RBFOX1: variants seen among roughly 807,000 people sequenced by gnomAD.
The protein encoded by RBFOX1 is RNA binding fox-1 homolog 1.
A neutral mutation model predicts 57.7 loss-of-function variants in RBFOX1; 8 were observed. The observed-to-expected ratio is 0.14, with a 90% CI of 0.08 to 0.25. The LOEUF is 0.25. RBFOX1 is among the 10% of genes least tolerant of loss of function. The pLI is 1.00. For missense variants in RBFOX1, 611 were observed against 548.5 expected (o/e 1.11, Z -1.14); for synonymous variants, 326 against 222.4 (o/e 1.47, Z -4.15).
chr16:6,987,958 C>T (rs1303536910), intron 3 of RBFOX1, among the ~76,000 whole-genome samples: 1 of 151,914 alleles, frequency 6.6e-6, no homozygotes, highest in Admixed American at 6.6e-5. Flanking sequence ...TACTAAGTGC[C>T]AGCTAGGCAG....
At chr16:7,454,246 C>CA (rs1161889507) in intron 4 of RBFOX1, among the ~76,000 whole-genome samples, 1 of 151,982 alleles carries the variant, frequency 6.6e-6, no homozygotes, top group South Asian at 2.1e-4. Flanking sequence ...CCAACCCCCC[C>CA]AAAAAAAGTC....
At chr16:6,467,140 TAA>T (rs2095068001) in intron 2 of RBFOX1, among the ~76,000 whole-genome samples, 2 of 151,026 alleles carry the variant, frequency 1.3e-5, no homozygotes, top group Non-Finnish European at 3.0e-5. Context: ...TGTAATATAA[TAA>T]AGTTTACTTA....
At chr16:5,683,871 T>C (rs1377881356) in intron 3 of RBFOX1, among the ~76,000 whole-genome samples, 1 of 151,112 alleles carries the variant, frequency 6.6e-6, no homozygotes, top group East Asian at 1.9e-4. Context: ...TACCTATATG[T>C]ATGTAAAATT....
At chr16:6,375,697 C>T (rs553797087) in intron 2 of RBFOX1, among the ~76,000 whole-genome samples, 7 of 152,226 alleles carry the variant, frequency 4.6e-5, no homozygotes, top group Admixed American at 2.6e-4. Context: ...CATCTCACAG[C>T]GGACCGTTGA....
chr16:6,276,741 C>G (rs2075842436), intron 1 of RBFOX1, among the ~76,000 whole-genome samples: 2 of 152,108 alleles, frequency 1.3e-5, no homozygotes, highest in African/African-American at 4.8e-5. Context: ...CTCCTCTCTG[C>G]TGCTATTCTT....
intron 3 of RBFOX1, among the ~76,000 whole-genome samples, chr16:5,663,757 C>G (rs2049738379): frequency 6.6e-6 from 1 of 152,208 alleles, no homozygotes; most frequent in Non-Finnish European, 1.5e-5. Flanking sequence ...GGAGACCACA[C>G]CATATTCTGG....
chr16:7,651,969 G>A (rs375368376), intron 11 of RBFOX1, among the ~76,000 whole-genome samples: 22 of 152,038 alleles, frequency 1.4e-4, no homozygotes, highest in African/African-American at 7.3e-5. Context: ...AAGGAAAAGT[G>A]GTTTGCTGAC....
chr16:6,633,842 T>C (rs952548492), intron 2 of RBFOX1, among the ~76,000 whole-genome samples: 4 of 152,074 alleles, frequency 2.6e-5, no homozygotes, highest in African/African-American at 9.7e-5. Flanking sequence ...GATGTATCTC[T>C]ATAAAAAAAT....
chr16:6,876,335 G>A (rs146496537), intron 3 of RBFOX1, among the ~76,000 whole-genome samples: 2 of 152,220 alleles, frequency 1.3e-5, no homozygotes, highest in Non-Finnish European at 2.9e-5. Flanking sequence ...ATGACTTGTT[G>A]ACTATTCCAC....
chr16:6,117,411 C>T (rs1355649916), intron 1 of RBFOX1, among the ~76,000 whole-genome samples: 2 of 152,218 alleles, frequency 1.3e-5, no homozygotes, highest in African/African-American at 4.8e-5. Context: ...AATATTAGAT[C>T]ACCTTTCATG....
At chr16:6,709,069 T>C (rs2063291194) in intron 3 of RBFOX1, among the ~76,000 whole-genome samples, 1 of 152,120 alleles carries the variant, frequency 6.6e-6, no homozygotes, top group Admixed American at 6.6e-5. Flanking sequence ...CTCATCACCA[T>C]ATATCTCAAG....
chr16:7,288,819 C>A (rs559348160), intron 4 of RBFOX1, among the ~76,000 whole-genome samples: 1 of 152,266 alleles, frequency 6.6e-6, no homozygotes, highest in East Asian at 1.9e-4. Flanking sequence ...CCAGCCTGCG[C>A]GATAAAGCAA....
At chr16:5,647,660 C>G (rs1208038177) in intron 3 of RBFOX1, among the ~76,000 whole-genome samples, 2 of 152,144 alleles carry the variant, frequency 1.3e-5, no homozygotes, top group Non-Finnish European at 2.9e-5. Context: ...AGTACCTTCT[C>G]TGATTATTAG....
intron 2 of RBFOX1, among the ~76,000 whole-genome samples, chr16:6,583,569 T>A (rs1435211642): frequency 6.6e-6 from 1 of 152,264 alleles, no homozygotes; most frequent in African/African-American, 2.4e-5. Flanking sequence ...GGAGAGCATC[T>A]TGTTACCTGT....
intron 4 of RBFOX1, among the ~76,000 whole-genome samples, chr16:7,472,436 C>A (rs538534088): frequency 4.7e-4 from 72 of 152,298 alleles, no homozygotes; most frequent in African/African-American, 1.7e-3. Context: ...CAATTCTTTC[C>A]AGTGTGGCTG....
At chr16:6,796,723 G>C (rs375902175) in intron 3 of RBFOX1, among the ~76,000 whole-genome samples, 6 of 152,002 alleles carry the variant, frequency 3.9e-5, no homozygotes, top group African/African-American at 1.4e-4. Flanking sequence ...TTCTCTCCTG[G>C]GTACACATTT....
At chr16:7,658,633 T>C (rs931410589) in intron 12 of RBFOX1, among the ~76,000 whole-genome samples, 6 of 152,082 alleles carry the variant, frequency 3.9e-5, no homozygotes, top group Non-Finnish European at 5.9e-5. Flanking sequence ...AGCAGCTAAA[T>C]CCCAATCCCC....
At chr16:6,900,521 C>A (rs1188197911) in intron 3 of RBFOX1, among the ~76,000 whole-genome samples, 1 of 152,172 alleles carries the variant, frequency 6.6e-6, no homozygotes, top group Non-Finnish European at 1.5e-5. Flanking sequence ...TCTGGCCCTG[C>A]CCTTCTCTCA....
rs547158512 is a variant in RBFOX1, at chr16:6,315,643, C to T, written c.-126-1352C>T. On this transcript the variant is annotated intron_variant, in intron 1 of 15. Coordinates refer to ENST00000550418, the MANE Select transcript of RBFOX1 (RefSeq NM_018723.4). ...TCATTGCTGTTTGTTGACACTAGCC[C>T]ATGAGATTGGTCATTTTTATTAGTT... 4.6e-5 allele frequency among the ~76,000 whole-genome samples: 7 copies of T among 152,156 alleles called. No homozygotes were observed. In the East Asian group the frequency reaches 7.7e-4, roughly 17 times the overall value.
Sources: gnomAD v4.1 joint callset for allele counts (sites outside exome capture counted in the v4.1 genomes callset) on GRCh38, gnomAD v4.1.1 for gene constraint, MANE v1.5 for transcripts, NCBI Gene and HGNC (gene_info 2026-07-23, HGNC 2026-07-21) for gene names.